TCHP: variants seen among roughly 807,000 people sequenced by gnomAD.
TCHP encodes trichoplein keratin filament binding.
Under a neutral mutation model 88.7 loss-of-function variants are expected in TCHP, and 81 were observed. The ratio of observed to expected loss-of-function variants is 0.91; its 90% confidence interval spans 0.76 to 1.10. The LOEUF (loss-of-function observed/expected upper bound fraction) is 1.10, where lower values mean the gene tolerates loss of function less well. Ranked by LOEUF, TCHP falls within the 50% of genes least tolerant of loss-of-function variation. TCHP has a pLI of 0.00. For synonymous variants in TCHP, 232 were observed against 232.5 expected (o/e 1.00, Z 0.02); for missense variants, 641 against 632.1 (o/e 1.01, Z -0.15).
chr12:109,904,208 C>A, intron 3 of TCHP, 61 bp downstream of exon 3: 1 of 1,469,804 alleles, frequency 6.8e-7, no homozygotes, highest in Non-Finnish European at 9.3e-7. Context: ...CTGAGTGTGT[C>A]GCACATGTAG....
the TCHP span, among the ~76,000 whole-genome samples, chr12:109,887,041 C>G: frequency 6.6e-6 from 1 of 152,146 alleles, no homozygotes; most frequent in Non-Finnish European, 1.5e-5. Flanking sequence ...TGTCCCTTCT[C>G]CTAGATTCAC....
At chr12:109,888,903 C>T in the TCHP span, among the ~76,000 whole-genome samples, 4 of 152,080 alleles carry the variant, frequency 2.6e-5, no homozygotes, top group East Asian at 1.9e-4. Flanking sequence ...ACACTCTCTC[C>T]GAAGGCTCTG....
In TCHP at chr12:109,907,411, T is replaced by G. The variant is rs989443699; in HGVS notation, c.526-115T>G. ...CTTGGCGTCTGAGGGCGTTGTCATT[T>G]GGGATTCAGGCAGGAACTGCCTGGG... On this transcript the variant is annotated intron_variant, in intron 5 of 12. Transcript: ENST00000405876. 1.7e-4 allele frequency: 187 copies of G among 1,073,994 alleles called. No individual in the cohort carries two copies. The Middle Eastern group carries it at 4.4e-3, about 25-fold the overall frequency. 66.5% of individuals were successfully genotyped at this position (1,073,994 alleles called of 1,614,324 possible).
chr12:109,881,148 A>G, the TCHP span, among the ~76,000 whole-genome samples: 7 of 152,332 alleles, frequency 4.6e-5, no homozygotes, highest in Admixed American at 4.6e-4. Flanking sequence ...GCCTGGAGGC[A>G]GGGAACATAA....
At chr12:109,881,880 C>A in the TCHP span, among the ~76,000 whole-genome samples, 2 of 152,216 alleles carry the variant, frequency 1.3e-5, no homozygotes, top group African/African-American at 4.8e-5. Context: ...GCCTCTTATT[C>A]ATTCCAGAAT....
the TCHP span, among the ~76,000 whole-genome samples, chr12:109,891,729 A>T: frequency 4.0e-5 from 6 of 150,610 alleles, no homozygotes; most frequent in African/African-American, 1.5e-4. Context: ...TTTGAGACGA[A>T]GTTTTGCTCT....
At chr12:109,893,660 G>T in the TCHP span, among the ~76,000 whole-genome samples, 10 of 152,282 alleles carry the variant, frequency 6.6e-5, no homozygotes, top group Non-Finnish European at 1.2e-4. Flanking sequence ...TTCCAAACAA[G>T]ACAGCCACTC....
At position 109,911,226 on chromosome 12, in the gene TCHP, T is replaced by C. The variant is rs1450447595; in HGVS notation, c.1043T>C (p.Met348Thr). ...LERAREAELQ[M>T]LLREEAKEMW... ...CGGGCGCGGGAGGCAGAGCTGCAGATGCTGCTGAGGTGAGTGGCAGCTGCT... is the reference window on the plus strand; with the variant it reads ...CGGGCGCGGGAGGCAGAGCTGCAGACGCTGCTGAGGTGAGTGGCAGCTGCT... The change falls in exon 9 of 13, where the codon ATG becomes ACG. Residue 348 changes from methionine (M) to threonine (T), a missense_variant. Met to Thr is a moderately conservative substitution (Grantham distance 81). Coordinates refer to ENST00000405876, the MANE Select transcript of TCHP (RefSeq NM_001143852.2). 2.6e-6 allele frequency: 4 copies of C among 1,563,926 alleles called. No individual in the cohort carries two copies. In the South Asian group the frequency reaches 3.5e-5, roughly 14 times the overall value.
the TCHP span, among the ~76,000 whole-genome samples, chr12:109,892,017 T>C: frequency 9.2e-5 from 14 of 152,200 alleles, no homozygotes; most frequent in Non-Finnish European, 1.9e-4. Context: ...AGAAACCTTG[T>C]CTCTACTGAA....
At chr12:109,901,369 C>G (rs1427966712) in intron 1 of TCHP, among the ~76,000 whole-genome samples, 1 of 120,532 alleles carries the variant, frequency 8.3e-6, no homozygotes, top group Non-Finnish European at 1.7e-5. Context: ...AATCACCTAG[C>G]CTTGTTTCCA....
Position 109,911,152 on chromosome 12 carries a change from C to T in TCHP, c.969C>T (p.Ala323=), listed in dbSNP as rs140889513. Residue 323 remains alanine, a synonymous_variant, in exon 9 of 13, where the codon GCC becomes GCT. Transcript: ENST00000405876. The part of the protein sequence containing the change: ...LHLARREQVM[A]DVAWMKQAIE... ...TGGCCAGGCGGGAGCAGGTCATGGC[C>T]GATGTGGCCTGGATGAAGCAGGCCA... 1.4e-4 allele frequency: 223 copies of T among 1,596,660 alleles called. No homozygotes were observed. The African/African-American group carries it at 2.3e-3, about 16-fold the overall frequency.
chr12:109,907,435 G>C, intron 5 of TCHP, 91 bp from the exon 6 acceptor site: 1 of 1,342,278 alleles, frequency 7.5e-7, no homozygotes, highest in Non-Finnish European at 1.0e-6. Context: ...GAACTGCCTG[G>C]GCCCTGTGGC....
At chr12:109,882,056 C>T in the TCHP span, among the ~76,000 whole-genome samples, 1 of 152,196 alleles carries the variant, frequency 6.6e-6, no homozygotes, top group East Asian at 1.9e-4. Context: ...ATTGGTAAGA[C>T]AACTTCAGAC....
intron 1 of TCHP, chr12:109,900,886 C>T (rs1869749458): frequency 6.6e-6 from 1 of 152,238 alleles, no homozygotes; most frequent in Admixed American, 6.5e-5. Flanking sequence ...CTCATTCAGC[C>T]GGCGTTCCTA....
rs1437521712 is a variant in TCHP at position 109,907,577 on chromosome 12, A to G, written c.577A>G (p.Arg193Gly). Residue 193 changes from arginine (R) to glycine (G), a missense_variant, in exon 6 of 13, where the codon AGG becomes GGG. Transcript: ENST00000405876. ...CAAACGGTATGAAAATGAATATGAAAGGGCCCGAAGGGAGGCGCTAGAAAG... is the reference window on the plus strand; with the variant it reads ...CAAACGGTATGAAAATGAATATGAAGGGGCCCGAAGGGAGGCGCTAGAAAG... The part of the protein sequence containing the change: ...ENKRYENEYE[R>G]ARREALERMK... The G allele has an allele frequency of 3.1e-6, 5 of 1,614,096 alleles. No individual in the cohort carries two copies. Among genetic ancestry groups the G allele is most frequent in the Non-Finnish European group, 4.2e-6 (5 of 1,180,054 alleles).
At chr12:109,891,602 T>C in the TCHP span, among the ~76,000 whole-genome samples, 1 of 151,590 alleles carries the variant, frequency 6.6e-6, no homozygotes, top group Non-Finnish European at 1.5e-5. Context: ...GGTTTCACCA[T>C]GTTGGCCAGG....
chr12:109,895,752 C>A (rs895203978), upstream of TCHP, among the ~76,000 whole-genome samples: 1 of 152,018 alleles, frequency 6.6e-6, no homozygotes, highest in African/African-American at 2.4e-5. Context: ...TAATGGAGAG[C>A]GGCTCCCATA....
chr12:109,900,475 C>T (rs1254004470), intron 1 of TCHP, 49 bp downstream of exon 1: 2 of 152,216 alleles, frequency 1.3e-5, no homozygotes, highest in Admixed American at 6.5e-5. Context: ...GGGCGGGGGC[C>T]CGCAGGCGGC....
intron 1 of TCHP, among the ~76,000 whole-genome samples, chr12:109,902,676 A>G (rs751426925): frequency 3.3e-5 from 5 of 152,128 alleles, no homozygotes; most frequent in Non-Finnish European, 5.9e-5. Context: ...GGGTTTCACT[A>G]TGTTGGCGCA....
Sources: allele counts gnomAD v4.1 joint callset (sites outside exome capture counted in the v4.1 genomes callset), GRCh38; gene constraint gnomAD v4.1.1; transcripts MANE v1.5; gene names NCBI Gene and HGNC (gene_info 2026-07-23, HGNC 2026-07-21).